The following ARHGAP20 variants were observed in gnomAD, a reference collection of about 807,000 sequenced individuals.
ARHGAP20 encodes rho GTPase-activating protein 20.
A neutral mutation model predicts 73.7 loss-of-function variants in ARHGAP20; 34 were observed. The observed-to-expected ratio is 0.46, with a 90% CI of 0.35 to 0.61. ARHGAP20 has a LOEUF of 0.61. Among genes scored for constraint, ARHGAP20 ranks in the 20% least tolerant of loss-of-function variants. ARHGAP20 has a pLI of 0.00. For missense variants in ARHGAP20, 1,314 were observed against 1,420.9 expected (o/e 0.92, Z 1.21); for synonymous variants, 523 against 518.2 (o/e 1.01, Z -0.13).
chr11:110,596,123 C>T (rs929183486), intron 9 of ARHGAP20, among the ~76,000 whole-genome samples: 2 of 152,100 alleles, frequency 1.3e-5, no homozygotes. Context: ...GCCTTCCTCA[C>T]ACCTTATACA....
At position 110,624,254 on chromosome 11, in the gene ARHGAP20, T is replaced by C; in HGVS notation, c.411A>G (p.Ala137=). 1 of 1,611,600 alleles carries C rather than the reference T, an allele frequency of 6.2e-7. No individual in the cohort carries two copies. The highest frequency in any genetic ancestry group is 1.1e-5 in the South Asian group (1 of 90,618). The change falls in exon 4 of 15, where the codon GCA becomes GCG. Residue 137 remains alanine, a synonymous_variant. Transcript: ENST00000683387. ...CTTCTCCCACTTCATCCACACAGCT[T>C]GCTGTCCACATATCAGTTAATTTAA... ...NKIKLTDMWT[A]SCVDEVGEGN...
At chr11:110,711,706 C>T in intron 1 of ARHGAP20, 1 of 1,427,950 alleles carries the variant, frequency 7.0e-7, no homozygotes, top group Non-Finnish European at 9.2e-7. Context: ...CCGGCCCTGA[C>T]TTTGGGGCTG....
chr11:110,579,766 C>G lies in ARHGAP20; in HGVS notation c.3180G>C (p.Glu1060Asp). 6.2e-7 allele frequency: 1 copy of G among 1,613,990 alleles called. No individual in the cohort carries two copies. Among genetic ancestry groups the G allele is most frequent in the Non-Finnish European group, 8.5e-7 (1 of 1,179,986 alleles). Residue 1060 changes from glutamate (E) to aspartate (D), a missense_variant, in exon 15 of 15, where the codon GAG becomes GAC. Glu to Asp is a conservative substitution (Grantham distance 45). This residue lies in a region of ARHGAP20 where 641 missense variants were observed against 636.9 expected (regional missense o/e 1.01). Transcript: ENST00000683387. The part of the protein sequence containing the change: ...LKKKAKAARP[E>D]EEKIASPKGP... ...CTTTTGGAGAAGCTATTTTCTCTTCCTCTGGTCTGGCTGCCTTTGCTTTCT... is the reference window on the plus strand; with the variant it reads ...CTTTTGGAGAAGCTATTTTCTCTTCGTCTGGTCTGGCTGCCTTTGCTTTCT...
At chr11:110,674,438 C>A (rs917607792) in intron 2 of ARHGAP20, among the ~76,000 whole-genome samples, 1 of 152,058 alleles carries the variant, frequency 6.6e-6, no homozygotes, top group Non-Finnish European at 1.5e-5. Flanking sequence ...AATTTGAGCG[C>A]CTACACGATG....
chr11:110,668,944 T>C (rs1949775962), intron 2 of ARHGAP20, among the ~76,000 whole-genome samples: 1 of 152,126 alleles, frequency 6.6e-6, no homozygotes, highest in South Asian at 2.1e-4. Flanking sequence ...ACACTGACCC[T>C]TATTTCATAA....
Position 110,579,418 on chromosome 11 carries a change from A to T in ARHGAP20, c.3528T>A (p.Pro1176=). Residue 1176 remains proline, a synonymous_variant, in exon 15 of 15, where the codon CCT becomes CCA. Coordinates refer to ENST00000683387, the MANE Select transcript of ARHGAP20 (RefSeq NM_001384657.1). ...TGTCCTCAATGTCGCAGACCACTGTAGGCCCTGAGTCTGGGCTGGTCGCAT... is the reference window on the plus strand; with the variant it reads ...TGTCCTCAATGTCGCAGACCACTGTTGGCCCTGAGTCTGGGCTGGTCGCAT... ...LEDATSPDSG[P]TVVCDIEDRY... 2 of 1,612,426 alleles carry T rather than the reference A, an allele frequency of 1.2e-6. No homozygotes were observed. The highest frequency in any genetic ancestry group is 1.7e-6 in the Non-Finnish European group (2 of 1,178,558).
chr11:110,666,185 G>A (rs562714626), intron 2 of ARHGAP20, among the ~76,000 whole-genome samples: 7 of 152,130 alleles, frequency 4.6e-5, no homozygotes, highest in African/African-American at 1.4e-4. Context: ...CATTGAGAAC[G>A]ATACAATACT....
At chr11:110,664,773 A>G (rs933912448) in intron 2 of ARHGAP20, among the ~76,000 whole-genome samples, 2 of 151,890 alleles carry the variant, frequency 1.3e-5, no homozygotes, top group African/African-American at 4.8e-5. Context: ...TATTGTTTAC[A>G]CTAGCAATAA....
intron 9 of ARHGAP20, among the ~76,000 whole-genome samples, chr11:110,593,777 G>A (rs977690528): frequency 1.2e-4 from 18 of 152,342 alleles, no homozygotes; most frequent in African/African-American, 4.1e-4. Context: ...CCTGAAGCTT[G>A]CATTCACAGG....
At chr11:110,636,151 T>A (rs576250086) in intron 2 of ARHGAP20, among the ~76,000 whole-genome samples, 1 of 152,240 alleles carries the variant, frequency 6.6e-6, no homozygotes, top group Non-Finnish European at 1.5e-5. Context: ...GGTCTGATGA[T>A]AGTTTAAGTT....
intron 1 of ARHGAP20, chr11:110,711,667 C>A (rs1021102124): frequency 1.4e-6 from 2 of 1,462,530 alleles, no homozygotes; most frequent in African/African-American, 1.5e-5. Context: ...CCTTCTTCAG[C>A]GCCGGCTGCC....
chr11:110,604,773 G>C (rs1386325666), intron 9 of ARHGAP20, among the ~76,000 whole-genome samples: 5 of 152,062 alleles, frequency 3.3e-5, no homozygotes, highest in African/African-American at 1.2e-4. Context: ...ATCTGATGTT[G>C]GTAAGATGAG....
intron 2 of ARHGAP20, among the ~76,000 whole-genome samples, chr11:110,679,356 C>A (rs1244288083): frequency 1.3e-5 from 2 of 152,146 alleles, no homozygotes; most frequent in African/African-American, 4.8e-5. Context: ...AGGGATTAGA[C>A]AAGGGTATGA....
At chr11:110,686,139 A>C (rs1950127313) in intron 2 of ARHGAP20, among the ~76,000 whole-genome samples, 1 of 152,158 alleles carries the variant, frequency 6.6e-6, no homozygotes, top group South Asian at 2.1e-4. Flanking sequence ...AAATTTATTT[A>C]AGTTTTAACT....
At position 110,584,906 on chromosome 11, in the gene ARHGAP20, AAT is replaced by A. The variant is rs201408302; in HGVS notation, c.1416-1171_1416-1170del. On this transcript the variant is annotated intron_variant, in intron 12 of 14. Coordinates refer to ENST00000683387, the MANE Select transcript of ARHGAP20 (RefSeq NM_001384657.1). Reference sequence around the variant, plus strand: ...GTGAATGTAAAAATGAATATATGTGAATATATATATGAATATATATGTGAATA... The same window carrying A: ...GTGAATGTAAAAATGAATATATGTGAATATATATGAATATATATGTGAATA... Among the ~76,000 whole-genome samples, 311 of 115,284 alleles carry A rather than the reference AAT, an allele frequency of 2.7e-3. No individual in the cohort carries two copies. The East Asian group carries it at 0.028, about 11-fold the overall frequency. 75.6% of individuals were successfully genotyped at this position (115,284 alleles called of 152,430 possible). A position where few individuals can be genotyped will look rare whatever the true frequency, so the allele number is the denominator to read the frequency against.
intron 9 of ARHGAP20, among the ~76,000 whole-genome samples, chr11:110,601,912 C>G (rs748915749): frequency 1.3e-5 from 2 of 151,682 alleles, no homozygotes; most frequent in African/African-American, 2.4e-5. Context: ...ATCGCTTGAA[C>G]CTGGGTTGCA....
In ARHGAP20 at chr11:110,578,431, C is replaced by T; in HGVS notation, c.*939G>A. 2 of 985,408 alleles carry T rather than the reference C, an allele frequency of 2.0e-6. No homozygotes were observed. Among genetic ancestry groups the T allele is most frequent in the Non-Finnish European group, 2.4e-6 (2 of 829,934 alleles). The allele number at this position is 985,408 out of a possible 1,614,324, so 61.0% of individuals were successfully genotyped here. A position where few individuals can be genotyped will look rare whatever the true frequency, so the allele number is the denominator to read the frequency against. ...TCTAAGAGGCAGGACTGTGCAGAAA[C>T]ATTTCAGCAAAGTGATGCCATGGTT... is the stretch of plus-strand genomic sequence containing the variant. On this transcript the variant is annotated 3_prime_UTR_variant, in exon 15 of 15. Transcript: ENST00000683387.
intron 2 of ARHGAP20, among the ~76,000 whole-genome samples, chr11:110,681,755 G>C (rs892389522): frequency 6.6e-6 from 1 of 152,184 alleles, no homozygotes; most frequent in Non-Finnish European, 1.5e-5. Context: ...CACAACAGGA[G>C]TGAATGAACC....
chr11:110,682,353 TTAAAATCC>T (rs1950053430), intron 2 of ARHGAP20, among the ~76,000 whole-genome samples: 1 of 152,186 alleles, frequency 6.6e-6, no homozygotes, highest in Non-Finnish European at 1.5e-5. Context: ...TTAGTTCTCC[TTAAAATCC>T]TATGAGGTAG....
Sources: allele counts gnomAD v4.1 joint callset (sites outside exome capture counted in the v4.1 genomes callset), GRCh38; gene constraint gnomAD v4.1.1; regional missense constraint gnomAD v4.1.1; transcripts MANE v1.5; gene names NCBI Gene and HGNC (gene_info 2026-07-23, HGNC 2026-07-21).